TOMM40: variants seen among roughly 807,000 people sequenced by gnomAD.
The protein encoded by TOMM40 is mitochondrial import receptor subunit TOM40 homolog.
A neutral mutation model predicts 38.4 loss-of-function variants in TOMM40; 9 were observed. That is an observed-to-expected ratio of 0.23 (90% CI 0.14 to 0.41). The LOEUF is 0.41. Ranked by LOEUF, TOMM40 falls within the 10% of genes least tolerant of loss-of-function variation. The probability of loss-of-function intolerance (pLI) is 1.00; values close to 1 mark genes in which losing one functional copy is unlikely to be tolerated. For missense variants in TOMM40, 299 were observed against 486.5 expected (o/e 0.61, Z 3.63); for synonymous variants, 184 against 210.0 (o/e 0.88, Z 1.07).
At chr19:44,899,897 C>T (rs1969647295) in intron 5 of TOMM40, among the ~76,000 whole-genome samples, 1 of 148,490 alleles carries the variant, frequency 6.7e-6, no homozygotes, top group Non-Finnish European at 1.5e-5. Flanking sequence ...CCCTTCTCAG[C>T]CTCCCAAATA....
At chr19:44,894,580 T>G (rs1281821030) in intron 5 of TOMM40, among the ~76,000 whole-genome samples, 2 of 151,974 alleles carry the variant, frequency 1.3e-5, no homozygotes, top group Admixed American at 1.3e-4. Context: ...CAATTTTAAC[T>G]GAGATTTTCT....
chr19:44,896,495 G>A (rs1969568531), intron 5 of TOMM40, among the ~76,000 whole-genome samples: 1 of 152,216 alleles, frequency 6.6e-6, no homozygotes, highest in Non-Finnish European at 1.5e-5. Flanking sequence ...CTCCACTCTG[G>A]CATCTCCATG....
intron 5 of TOMM40, among the ~76,000 whole-genome samples, chr19:44,895,091 C>T (rs1969540272): frequency 6.6e-6 from 1 of 152,180 alleles, no homozygotes; most frequent in Non-Finnish European, 1.5e-5. Flanking sequence ...TTTGTGCAGC[C>T]ATCCACTGTG....
chr19:44,893,681 C>T (rs1019314083), intron 3 of TOMM40, 99 bp from the exon 4 acceptor site: 15 of 967,414 alleles, frequency 1.6e-5, no homozygotes, highest in Non-Finnish European at 1.7e-5. Flanking sequence ...AGGGGACCCC[C>T]ATCCGAGGCT....
intron 4 of TOMM40, 34 bp from the exon 5 acceptor site, chr19:44,893,927 A>G: frequency 6.2e-7 from 1 of 1,603,156 alleles, no homozygotes; most frequent in Non-Finnish European, 8.5e-7. Flanking sequence ...CACCGTGAGC[A>G]GGGAGCCGCC....
At chr19:44,902,794 C>T in intron 8 of TOMM40, 1 of 468,172 alleles carries the variant, frequency 2.1e-6, no homozygotes, top group Non-Finnish European at 3.8e-6. Context: ...GTTGGGGGAA[C>T]CCAGGGGTCT....
At position 44,891,545 on chromosome 19, in the gene TOMM40, C is replaced by A; in HGVS notation, c.130C>A (p.Leu44Met). ...CACGCTGCCGCCGCTGGGAGGCAGCCTGGGCGCCGGCACCAGTACGAGTCG... is the reference window on the plus strand; with the variant it reads ...CACGCTGCCGCCGCTGGGAGGCAGCATGGGCGCCGGCACCAGTACGAGTCG... ...GFTLPPLGGS[L>M]GAGTSTSRSS... The change falls in exon 1 of 9, where the codon CTG (leucine) becomes ATG (methionine). Residue 44 changes from leucine to methionine, a missense_variant. Coordinates refer to ENST00000426677, the MANE Select transcript of TOMM40 (RefSeq NM_001128917.2). 1 of 1,419,734 alleles carries A rather than the reference C, an allele frequency of 7.0e-7. No individual in the cohort carries two copies. The highest frequency in any genetic ancestry group is 9.2e-7 in the Non-Finnish European group (1 of 1,083,970). The allele number at this position is 1,419,734 out of a possible 1,614,324, so 87.9% of individuals were successfully genotyped here.
At chr19:44,892,321 G>A in intron 1 of TOMM40, 72 bp from the exon 2 acceptor site, 1 of 1,422,342 alleles carries the variant, frequency 7.0e-7, no homozygotes, top group Non-Finnish European at 9.9e-7. Flanking sequence ...GAGAGCTGGG[G>A]GTGGTAGGGA....
rs1599945194 is a variant in TOMM40 at position 44,901,268 on chromosome 19, G to A, written c.904G>A (p.Gly302Arg). Residue 302 changes from glycine to arginine, a missense_variant, in exon 8 of 9, where the codon GGG (glycine) becomes AGG (arginine). Physicochemically the swap from Gly to Arg is moderately radical, Grantham distance 125 (BLOSUM62 -2). Coordinates refer to ENST00000426677, the MANE Select transcript of TOMM40 (RefSeq NM_001128917.2). ...GATGCAGGACACCAGCGTCTCCTTC[G>A]GGTACCAGCTGGACCTGCCCAAGGC... is the stretch of plus-strand genomic sequence containing the variant. Reference protein sequence around the residue: ...TRMQDTSVSFGYQLDLPKANL... With the variant: ...TRMQDTSVSFRYQLDLPKANL... 3.7e-6 allele frequency: 6 copies of A among 1,614,036 alleles called. No homozygotes were observed. Among genetic ancestry groups the A allele is most frequent in the Non-Finnish European group, 4.2e-6 (5 of 1,179,986 alleles).
intron 5 of TOMM40, among the ~76,000 whole-genome samples, chr19:44,899,498 T>C: frequency 6.6e-6 from 1 of 152,004 alleles, no homozygotes; most frequent in East Asian, 1.9e-4. Context: ...CTCACCCAAC[T>C]AATTTTTGTA....
At chr19:44,901,500 T>C in intron 8 of TOMM40, 190 bp downstream of exon 8, 1 of 1,423,612 alleles carries the variant, frequency 7.0e-7, no homozygotes, top group Admixed American at 2.7e-5. Flanking sequence ...CCCAGCACTT[T>C]GGGAGGCCAA....
intron 5 of TOMM40, among the ~76,000 whole-genome samples, chr19:44,899,649 G>T (rs747707600): frequency 6.1e-5 from 9 of 148,446 alleles, no homozygotes; most frequent in Non-Finnish European, 1.3e-4. Flanking sequence ...ATAATCTGTA[G>T]TTAGATGAAG....
At chr19:44,901,377 G>C in intron 8 of TOMM40, 67 bp downstream of exon 8, 1 of 1,560,452 alleles carries the variant, frequency 6.4e-7, no homozygotes, top group Non-Finnish European at 8.7e-7. Context: ...TGGATGTGTG[G>C]GCCACCACAG....
At chr19:44,896,094 A>G (rs1000633301) in intron 5 of TOMM40, among the ~76,000 whole-genome samples, 7 of 152,092 alleles carry the variant, frequency 4.6e-5, no homozygotes, top group African/African-American at 1.4e-4. Context: ...GGCGCCAGCA[A>G]CCCCGTTCCC....
rs762177624 is a variant in TOMM40, at chr19:44,901,204, C to G, written c.844-4C>G. The stretch of plus-strand genomic sequence containing the variant: ...ATTCTCATGTGTTGCTCCGGCCCCT[C>G]CAGCTGCAGGTGGGTGTGGAGTTTG... On this transcript the variant is annotated splice_region_variant and splice_polypyrimidine_tract_variant and intron_variant, in intron 7 of 8. Coordinates refer to ENST00000426677, the MANE Select transcript of TOMM40 (RefSeq NM_001128917.2). 1.9e-6 allele frequency: 3 copies of G among 1,614,104 alleles called. No individual in the cohort carries two copies. In the South Asian group the frequency reaches 3.3e-5, roughly 18 times the overall value.
intron 5 of TOMM40, among the ~76,000 whole-genome samples, chr19:44,897,599 C>T (rs189653369): frequency 2.0e-5 from 3 of 152,020 alleles, no homozygotes; most frequent in South Asian, 4.2e-4. Context: ...ATTACAGGCA[C>T]GCACTGCCAC....
chr19:44,896,671 G>C (rs563985997), intron 5 of TOMM40, among the ~76,000 whole-genome samples: 1 of 152,246 alleles, frequency 6.6e-6, no homozygotes, highest in South Asian at 2.1e-4. Flanking sequence ...AATGGTGACA[G>C]CTCCTTTTCT....
chr19:44,899,625 T>C (rs986319482), intron 5 of TOMM40, among the ~76,000 whole-genome samples: 8 of 151,766 alleles, frequency 5.3e-5, no homozygotes, highest in Non-Finnish European at 1.2e-4. Flanking sequence ...TTGATTTTTT[T>C]TTTTTTTTTT....
intron 5 of TOMM40, among the ~76,000 whole-genome samples, chr19:44,895,680 G>A (rs1164191853): frequency 6.6e-6 from 1 of 152,080 alleles, no homozygotes; most frequent in Non-Finnish European, 1.5e-5. Context: ...CCTAGTAGCT[G>A]GGACTACAGG....
Sources: gnomAD v4.1 joint callset for allele counts (sites outside exome capture counted in the v4.1 genomes callset) on GRCh38, gnomAD v4.1.1 for gene constraint, MANE v1.5 for transcripts, NCBI Gene and HGNC (gene_info 2026-07-23, HGNC 2026-07-21) for gene names.